The following DPYD variants were observed in gnomAD, a reference collection of about 807,000 sequenced individuals.
DPYD encodes dihydropyrimidine dehydrogenase.
In DPYD, 109 loss-of-function variants were observed where a neutral mutation model predicts 116.2. The ratio of observed to expected loss-of-function variants is 0.94; its 90% CI spans 0.80 to 1.10. DPYD has a LOEUF of 1.10. DPYD is among the 50% of genes least tolerant of loss of function. The pLI is 0.00. For synonymous variants in DPYD, 440 were observed against 432.0 expected, an observed-to-expected ratio of 1.02 and a Z score of -0.23; for missense variants, 1,302 against 1,254.5, an observed-to-expected ratio of 1.04 and a Z score of -0.57.
intron 20 of DPYD, among the ~76,000 whole-genome samples, chr1:97,156,399 T>C (rs1655459502): frequency 6.6e-6 from 1 of 151,750 alleles, no homozygotes; most frequent in African/African-American, 2.4e-5. Flanking sequence ...GAATCTACAA[T>C]GAACTCAAAC....
intron 8 of DPYD, among the ~76,000 whole-genome samples, chr1:97,637,440 T>C (rs1049970769): frequency 6.6e-6 from 1 of 152,038 alleles, no homozygotes; most frequent in African/African-American, 2.4e-5. Flanking sequence ...TAATATCTTT[T>C]GGCAGTTTAT....
At chr1:97,606,891 G>T (rs1411311865) in intron 8 of DPYD, among the ~76,000 whole-genome samples, 1 of 151,860 alleles carries the variant, frequency 6.6e-6, no homozygotes, top group Non-Finnish European at 1.5e-5. Context: ...ATTGCAGGGG[G>T]TATCCATAGC....
chr1:97,099,005 A>G (rs1273307449), intron 20 of DPYD, among the ~76,000 whole-genome samples: 2 of 152,142 alleles, frequency 1.3e-5, no homozygotes, highest in Non-Finnish European at 2.9e-5. Context: ...AAACCTATTG[A>G]TGCTTTTTTC....
intron 11 of DPYD, among the ~76,000 whole-genome samples, chr1:97,563,996 T>C (rs1652347625): frequency 6.6e-6 from 1 of 152,200 alleles, no homozygotes; most frequent in African/African-American, 2.4e-5. Context: ...ATACTTCTGA[T>C]AATCAGAACA....
At chr1:97,678,516 CACTA>C (rs1660263444) in intron 8 of DPYD, among the ~76,000 whole-genome samples, 1 of 152,124 alleles carries the variant, frequency 6.6e-6, no homozygotes, top group Non-Finnish European at 1.5e-5. Context: ...TCTCAGTAAA[CACTA>C]AGTGGAAGAA....
chr1:97,665,101 T>A (rs1004129569), intron 8 of DPYD, among the ~76,000 whole-genome samples: 4 of 152,058 alleles, frequency 2.6e-5, no homozygotes, highest in Non-Finnish European at 5.9e-5. Flanking sequence ...TCTAGTAATA[T>A]AGCTACCAAA....
At chr1:97,540,678 T>C (rs1169292657) in intron 12 of DPYD, among the ~76,000 whole-genome samples, 1 of 152,202 alleles carries the variant, frequency 6.6e-6, no homozygotes, top group African/African-American at 2.4e-5. Context: ...GATTAGATCA[T>C]TGGCCACTGT....
At chr1:97,843,673 T>A (rs1571454066) in intron 2 of DPYD, among the ~76,000 whole-genome samples, 1 of 152,322 alleles carries the variant, frequency 6.6e-6, no homozygotes, top group East Asian at 1.9e-4. Context: ...TGTTCATTAA[T>A]TTAGTAAGCA....
chr1:97,851,282 C>A (rs1452335249), intron 2 of DPYD, among the ~76,000 whole-genome samples: 2 of 141,950 alleles, frequency 1.4e-5, no homozygotes, highest in Admixed American at 1.4e-4. Flanking sequence ...CTTCTGTTGC[C>A]CTTTATTTAA....
At chr1:97,505,822 G>A (rs1414797966) in intron 13 of DPYD, among the ~76,000 whole-genome samples, 1 of 151,810 alleles carries the variant, frequency 6.6e-6, no homozygotes, top group Non-Finnish European at 1.5e-5. Context: ...GGTAAATTTG[G>A]CAGGATAGAA....
chr1:97,298,548 G>T (rs966630530), intron 18 of DPYD, among the ~76,000 whole-genome samples: 1 of 152,174 alleles, frequency 6.6e-6, no homozygotes, highest in Non-Finnish European at 1.5e-5. Flanking sequence ...TTAAGAATCT[G>T]ATTTCTTCTT....
chr1:97,663,171 T>C (rs1659365973), intron 8 of DPYD, among the ~76,000 whole-genome samples: 1 of 152,130 alleles, frequency 6.6e-6, no homozygotes, highest in Admixed American at 6.6e-5. Flanking sequence ...TGCCCACACT[T>C]CTCATATTAT....
intron 20 of DPYD, among the ~76,000 whole-genome samples, chr1:97,152,997 T>A (rs1291832612): frequency 6.6e-6 from 1 of 152,184 alleles, no homozygotes; most frequent in Non-Finnish European, 1.5e-5. Context: ...GGAGTTCATT[T>A]TTTTAAAAGG....
At chr1:97,287,745 A>G (rs1665813965) in intron 18 of DPYD, among the ~76,000 whole-genome samples, 1 of 152,138 alleles carries the variant, frequency 6.6e-6, no homozygotes, top group Non-Finnish European at 1.5e-5. Context: ...GGTGCAGGAT[A>G]TAATCTCCTG....
At chr1:97,567,575 C>T (rs1183553100) in intron 11 of DPYD, among the ~76,000 whole-genome samples, 1 of 152,160 alleles carries the variant, frequency 6.6e-6, no homozygotes, top group Non-Finnish European at 1.5e-5. Context: ...CTCCGCTCTA[C>T]TGAGCAGTGT....
chr1:97,799,901 A>G lies in DPYD; in HGVS notation c.233+28213T>C, dbSNP rs1171262245. 3.3e-5 allele frequency among the ~76,000 whole-genome samples: 5 copies of G among 151,904 alleles called. No individual in the cohort carries two copies. In the Admixed American group the frequency reaches 3.3e-4, roughly 10 times the overall value. ...TGTTCTTTCTGAATTTTCTAATTCA[A>G]TCATCATCTCTTCCAATGCACATCT... On this transcript the variant is annotated intron_variant, in intron 3 of 22. Transcript: ENST00000370192.
At chr1:97,490,837 A>C (rs1358210105) in intron 13 of DPYD, among the ~76,000 whole-genome samples, 1 of 150,110 alleles carries the variant, frequency 6.7e-6, no homozygotes, top group Non-Finnish European at 1.5e-5. Context: ...TAAAAAAAAA[A>C]ACCAAAAAAC....
At chr1:97,598,731 G>A (rs1655052061) in intron 8 of DPYD, among the ~76,000 whole-genome samples, 1 of 152,106 alleles carries the variant, frequency 6.6e-6, no homozygotes, top group South Asian at 2.1e-4. Context: ...CTGGCCCCCA[G>A]GTGATTATTA....
At chr1:97,835,296 T>C (rs1669715614) in intron 2 of DPYD, among the ~76,000 whole-genome samples, 1 of 152,082 alleles carries the variant, frequency 6.6e-6, no homozygotes, top group Non-Finnish European at 1.5e-5. Context: ...ATGAAGATGA[T>C]GAAAGTAATA....
Sources: gnomAD v4.1 joint callset for allele counts (sites outside exome capture counted in the v4.1 genomes callset) on GRCh38, gnomAD v4.1.1 for gene constraint, MANE v1.5 for transcripts, NCBI Gene and HGNC (gene_info 2026-07-23, HGNC 2026-07-21) for gene names.